POU2F1: variants seen among roughly 807,000 people sequenced by gnomAD.
POU2F1 encodes POU class 2 homeobox 1, also known as POU domain, class 2, transcription factor 1.
Under a neutral mutation model 84.9 loss-of-function variants are expected in POU2F1, and 16 were observed. The ratio of observed to expected loss-of-function variants is 0.19; its 90% confidence interval spans 0.13 to 0.29. The LOEUF is 0.29. Ranked by LOEUF, POU2F1 falls within the 10% of genes least tolerant of loss-of-function variation. The pLI, the probability that POU2F1 is intolerant of heterozygous loss-of-function variation, is 1.00. For missense variants in POU2F1, 738 were observed against 942.6 expected, an observed-to-expected ratio of 0.78 and a Z score of 2.84; for synonymous variants, 368 against 368.3, an observed-to-expected ratio of 1.00 and a Z score of 0.01.
chr1:167,399,155 GC>G, intron 11 of POU2F1, 30 bp from the exon 12 acceptor site: 1 of 1,572,656 alleles, frequency 6.4e-7, no homozygotes. Flanking sequence ...GCAAAGGATA[GC>G]TTTTGGAATT....
chr1:167,350,459 A>T (rs552546117), intron 2 of POU2F1, among the ~76,000 whole-genome samples: 1 of 152,200 alleles, frequency 6.6e-6, no homozygotes, highest in Non-Finnish European at 1.5e-5. Flanking sequence ...ATAGTAACAA[A>T]TGTATTTCCA....
intron 3 of POU2F1, 66 bp from the exon 4 acceptor site, chr1:167,370,095 G>A: frequency 7.4e-7 from 1 of 1,355,464 alleles, no homozygotes; most frequent in Non-Finnish European, 1.0e-6. Context: ...ACTTTATTTA[G>A]TGATGACAAC....
At chr1:167,317,108 G>T (rs1557889712) in intron 1 of POU2F1, among the ~76,000 whole-genome samples, 1 of 152,114 alleles carries the variant, frequency 6.6e-6, no homozygotes, top group Non-Finnish European at 1.5e-5. Context: ...GGCCAGGCTG[G>T]TCTTGAACTA....
At position 167,305,934 on chromosome 1, in the gene POU2F1, A is replaced by T. The variant is rs1287883057; in HGVS notation, c.62-26536A>T. On this transcript the variant is annotated intron_variant, in intron 1 of 15. Transcript: ENST00000367866. ...CTACTCTGCTGGGCATATGGTAGAC[A>T]TGTTCACATGTATTCTTTTATTTTT... 3.3e-5 allele frequency among the ~76,000 whole-genome samples: 5 copies of T among 152,324 alleles called. No homozygotes were observed. The South Asian group carries it at 8.3e-4, about 25-fold the overall frequency.
intron 7 of POU2F1, chr1:167,376,641 A>T (rs554312922): frequency 6.6e-6 from 1 of 152,552 alleles, no homozygotes; most frequent in East Asian, 1.9e-4. Context: ...TTATATAATT[A>T]ATATATCAAA....
intron 9 of POU2F1, among the ~76,000 whole-genome samples, chr1:167,394,819 T>C (rs1648684964): frequency 6.6e-6 from 1 of 152,156 alleles, no homozygotes; most frequent in Non-Finnish European, 1.5e-5. Context: ...AAAAAGAAAA[T>C]GGGGTTTTAA....
At chr1:167,267,481 GC>G (rs1405569859) in intron 1 of POU2F1, among the ~76,000 whole-genome samples, 2 of 151,954 alleles carry the variant, frequency 1.3e-5, no homozygotes, top group African/African-American at 4.8e-5. Flanking sequence ...TTAGTACATA[GC>G]TACCGATCTT....
intron 2 of POU2F1, among the ~76,000 whole-genome samples, chr1:167,356,069 C>T (rs1251898132): frequency 6.6e-6 from 1 of 151,936 alleles, no homozygotes; most frequent in African/African-American, 2.4e-5. Flanking sequence ...CCACCTCAGC[C>T]TCCTAAGTAT....
intron 1 of POU2F1, among the ~76,000 whole-genome samples, chr1:167,237,754 A>ATG (rs1649576187): frequency 4.3e-5 from 2 of 46,664 alleles, no homozygotes; most frequent in African/African-American, 1.7e-4. Flanking sequence ...GTGTATATAT[A>ATG]TATATATATA....
At chr1:167,337,606 G>A (rs948925536) in intron 2 of POU2F1, among the ~76,000 whole-genome samples, 4 of 151,268 alleles carry the variant, frequency 2.6e-5, no homozygotes, top group African/African-American at 9.7e-5. Context: ...ATGCCATGGA[G>A]AAAATCAGTG....
chr1:167,275,571 GT>G (rs1652672544), intron 1 of POU2F1, among the ~76,000 whole-genome samples: 1 of 151,998 alleles, frequency 6.6e-6, no homozygotes, highest in Non-Finnish European at 1.5e-5. Flanking sequence ...AAGTGTTAGT[GT>G]TCGCTTGAGC....
intron 13 of POU2F1, among the ~76,000 whole-genome samples, chr1:167,406,065 G>GA (rs36054165): frequency 0.4 from 60,298 of 151,172 alleles, 14,735 homozygotes; most frequent in East Asian, 0.71. Flanking sequence ...AATAGCACAA[G>GA]AAAAAAAAAT....
At chr1:167,269,518 T>C (rs977714305) in intron 1 of POU2F1, among the ~76,000 whole-genome samples, 3 of 152,234 alleles carry the variant, frequency 2.0e-5, no homozygotes, top group African/African-American at 7.2e-5. Flanking sequence ...AGTTGAAGGA[T>C]GTCTGAGAGA....
intron 1 of POU2F1, among the ~76,000 whole-genome samples, chr1:167,233,085 TATACC>T: frequency 6.6e-6 from 1 of 152,180 alleles, no homozygotes; most frequent in South Asian, 2.1e-4. Flanking sequence ...TTAAATCTTT[TATACC>T]ATGTTTTTAA....
intron 1 of POU2F1, among the ~76,000 whole-genome samples, chr1:167,238,726 A>T (rs1217188247): frequency 6.6e-6 from 1 of 152,246 alleles, no homozygotes; most frequent in Non-Finnish European, 1.5e-5. Context: ...TTCCATAAAT[A>T]CCTGTTTTGT....
chr1:167,264,709 C>CT (rs1390463450), intron 1 of POU2F1, among the ~76,000 whole-genome samples: 1 of 152,058 alleles, frequency 6.6e-6, no homozygotes, highest in Non-Finnish European at 1.5e-5. Context: ...TACAGCTATT[C>CT]TTTTTTTATC....
At chr1:167,307,259 A>C (rs1571268195) in intron 1 of POU2F1, among the ~76,000 whole-genome samples, 1 of 152,182 alleles carries the variant, frequency 6.6e-6, no homozygotes, top group East Asian at 1.9e-4. Flanking sequence ...ACTTCCATTA[A>C]TAAAATGTAG....
chr1:167,310,924 A>G lies in POU2F1; in HGVS notation c.62-21546A>G, dbSNP rs747938912. Among the ~76,000 whole-genome samples, 90 of 152,352 alleles carry G rather than the reference A, an allele frequency of 5.9e-4. 1 individual carries two copies. Among genetic ancestry groups the G allele is most frequent in the Admixed American group, 1.0e-3 (16 of 15,300 alleles). ...GAGACAGAGTGAACTGGAAGGTGGAACAATAGAAATTACCCAATCTGAACA... is the reference window on the plus strand; with the variant it reads ...GAGACAGAGTGAACTGGAAGGTGGAGCAATAGAAATTACCCAATCTGAACA... On this transcript the variant is annotated intron_variant, in intron 1 of 15. Coordinates refer to ENST00000367866, the MANE Select transcript of POU2F1 (RefSeq NM_002697.4).
In POU2F1 at chr1:167,415,811, G is replaced by A; in HGVS notation, c.*1G>A. On this transcript the variant is annotated 3_prime_UTR_variant, in exon 16 of 16. Transcript: ENST00000367866. ...CACCACCGCCTCCAAGGCACAGTGA[G>A]CTGGGCAGAGCTGGGCTGCCAGAAG... 1 of 1,607,920 alleles carries A rather than the reference G, an allele frequency of 6.2e-7. No individual in the cohort carries two copies. Among genetic ancestry groups the A allele is most frequent in the Non-Finnish European group, 8.5e-7 (1 of 1,176,290 alleles).
Sources: gnomAD v4.1 joint callset for allele counts (sites outside exome capture counted in the v4.1 genomes callset) on GRCh38, gnomAD v4.1.1 for gene constraint, MANE v1.5 for transcripts, NCBI Gene and HGNC (gene_info 2026-07-23, HGNC 2026-07-21) for gene names.